The following COL9A3 variants were observed in gnomAD, a reference collection of about 807,000 sequenced individuals.
COL9A3 encodes collagen type IX alpha 3 chain, also known as collagen alpha-3(IX) chain.
Under a neutral mutation model 110.2 loss-of-function variants are expected in COL9A3, and 82 were observed. That is an observed-to-expected ratio of 0.74 (90% confidence interval 0.62 to 0.89). The LOEUF (loss-of-function observed/expected upper bound fraction) is 0.89, where lower values mean the gene tolerates loss of function less well. Ranked by LOEUF, COL9A3 falls within the 40% of genes least tolerant of loss-of-function variation. The pLI is 0.00. For synonymous variants in COL9A3, 494 were observed against 403.8 expected, an observed-to-expected ratio of 1.22 and a Z score of -2.68; for missense variants, 1,066 against 981.3, an observed-to-expected ratio of 1.09 and a Z score of -1.15.
chr20:62,822,230 C>T, intron 9 of COL9A3, 66 bp downstream of exon 9: 1 of 879,080 alleles, frequency 1.1e-6, no homozygotes, highest in Non-Finnish European at 2.0e-6. Context: ...TGGACCCTCC[C>T]CATTCCCCCT....
chr20:62,829,512 A>G lies in COL9A3; in HGVS notation c.1053+13A>G. On this transcript the variant is annotated intron_variant, in intron 20 of 31. Transcript: ENST00000649368. Reference sequence around the variant, plus strand: ...GAAGGGAGAACGGGTATGTGGCTGCAGCCGCTTTCTCTCTGGGAGGGGAGG... The same window carrying G: ...GAAGGGAGAACGGGTATGTGGCTGCGGCCGCTTTCTCTCTGGGAGGGGAGG... The G allele has an allele frequency of 6.2e-7, 1 of 1,610,142 alleles. No individual in the cohort carries two copies. Among genetic ancestry groups the G allele is most frequent in the Non-Finnish European group, 8.5e-7 (1 of 1,178,406 alleles).
chr20:62,821,249 G>A lies in COL9A3; in HGVS notation c.345+33G>A, dbSNP rs371827804. The A allele has an allele frequency of 6.2e-6, 10 of 1,605,170 alleles. No homozygotes were observed. The African/African-American group carries it at 1.3e-4, about 21-fold the overall frequency. On this transcript the variant is annotated intron_variant, in intron 6 of 31. Transcript: ENST00000649368. ...TGGAGTGTGGTCCTCTCCTCTCCAT[G>A]GGAGTTTGGGGAGCTGGAGAGTCTG...
At chr20:62,836,999 C>T (rs2063641523) in intron 29 of COL9A3, 84 bp from the exon 30 acceptor site, 4 of 1,521,084 alleles carry the variant, frequency 2.6e-6, no homozygotes, top group African/African-American at 1.4e-5. Context: ...GAAGACAGCA[C>T]CGTGTAGATA....
chr20:62,817,055 C>A lies in COL9A3; in HGVS notation c.-10C>A. ...CCGCCCCGACGCCGCAGCTCAGACT[C>A]CGCTCAGCCATGGCCGGGCCGCGCG... On this transcript the variant is annotated 5_prime_UTR_variant, in exon 1 of 32. Transcript: ENST00000649368. 1 of 1,344,476 alleles carries A rather than the reference C, an allele frequency of 7.4e-7. No individual in the cohort carries two copies. The highest frequency in any genetic ancestry group is 9.6e-7 in the Non-Finnish European group (1 of 1,040,990). 83.3% of individuals were successfully genotyped at this position (1,344,476 alleles called of 1,614,324 possible).
rs369434341 is a variant in COL9A3 at position 62,819,338 on chromosome 20, G to A, written c.255+45G>A. The A allele has an allele frequency of 5.5e-5, 86 of 1,569,488 alleles. 1 individual carries two copies. The highest frequency in any genetic ancestry group is 1.8e-4 in the South Asian group (16 of 87,708). On this transcript the variant is annotated intron_variant, in intron 4 of 31. Coordinates refer to ENST00000649368, the MANE Select transcript of COL9A3 (RefSeq NM_001853.4). ...CCCGCCATGCCCCACTCCCCGCTCC[G>A]GGTCCCTGGAGGAGTCCGGCCCTAA...
At chr20:62,825,695 G>A (rs2063546722) in intron 12 of COL9A3, 122 bp from the exon 13 acceptor site, 1 of 1,000,100 alleles carries the variant, frequency 1.0e-6, no homozygotes, top group Non-Finnish European at 1.5e-6. Context: ...GAGCCTCCAA[G>A]GCCCAGCTGT....
rs201613921 is a variant in COL9A3 at position 62,836,487 on chromosome 20, G to C, written c.1558G>C (p.Ala520Pro). Residue 520 changes from alanine to proline, a missense_variant, in exon 29 of 32, where the codon GCC becomes CCC. Coordinates refer to ENST00000649368, the MANE Select transcript of COL9A3 (RefSeq NM_001853.4). ...TGKPGVPGKE[A>P]SEQRIRELCG... is the part of the protein sequence containing the mutation. The stretch of plus-strand genomic sequence containing the variant: ...GTGGGGTGAATTCCAGGGGAAGGAG[G>C]CCAGCGAGCAGCGCATCAGGGAGCT... 6.2e-7 allele frequency: 1 copy of C among 1,613,650 alleles called. No homozygotes were observed. The highest frequency in any genetic ancestry group is 2.2e-5 in the East Asian group (1 of 44,866).
At chr20:62,817,468 C>A in intron 1 of COL9A3, 99 bp from the exon 2 acceptor site, 1 of 843,946 alleles carries the variant, frequency 1.2e-6, no homozygotes, top group Non-Finnish European at 1.9e-6. Context: ...GAGCGGCGGT[C>A]GTCGCAGGCC....
upstream of COL9A3, among the ~76,000 whole-genome samples, chr20:62,816,864 C>A (rs1042280349): frequency 3.3e-5 from 5 of 152,040 alleles, no homozygotes; most frequent in Admixed American, 1.3e-4. Flanking sequence ...GCCGCCCGCC[C>A]GGCGTCTTTT....
At position 62,821,792 on chromosome 20, in the gene COL9A3, C is replaced by G. The variant is rs568508604; in HGVS notation, c.405C>G (p.Ile135Met). The change falls in exon 8 of 32, where the codon ATC becomes ATG. Residue 135 changes from isoleucine (I) to methionine (M), a missense_variant. Ile to Met is a conservative substitution (Grantham distance 10). Transcript: ENST00000649368. The part of the protein sequence containing the change: ...EAGVSGPPGG[I>M]GLRGPPGPSG... ...GAGTGAGCGGCCCCCCAGGTGGGAT[C>G]GGCCTCCGCGGCCCCCCGGTGAGTG... 6.2e-7 allele frequency: 1 copy of G among 1,606,390 alleles called. No individual in the cohort carries two copies. Among genetic ancestry groups the G allele is most frequent in the Non-Finnish European group, 8.5e-7 (1 of 1,175,612 alleles).
Position 62,837,168 on chromosome 20 carries a change from GCCCCCAGGA to G in COL9A3, c.1698_1706del (p.Pro567_Gly569del), listed in dbSNP as rs569423970. 1.8e-4 allele frequency: 289 copies of G among 1,612,922 alleles called. No individual in the cohort carries two copies. The highest frequency in any genetic ancestry group is 6.6e-4 in the Middle Eastern group (4 of 6,058). On this transcript the variant is annotated inframe_deletion, in exon 30 of 32. Transcript: ENST00000649368. ...GGCCCGGTCCAGCTGGCCCCCCTGG[GCCCCCAGGA>G]CCCCCAGGCTCCATTGGTCACCCTG...
intron 12 of COL9A3, 24 bp downstream of exon 12, chr20:62,825,045 G>GGGA (rs2063539428): frequency 6.2e-7 from 1 of 1,600,392 alleles, no homozygotes; most frequent in African/African-American, 1.4e-5. Context: ...ACAGCAGCTG[G>GGGA]GGAGGAGCTG....
intron 22 of COL9A3, 27 bp downstream of exon 22, chr20:62,829,846 C>T (rs375350445): frequency 1.5e-4 from 225 of 1,546,454 alleles, no homozygotes; most frequent in Non-Finnish European, 1.8e-4. Flanking sequence ...GGCCCGGGGT[C>T]GGGGGTTAGC....
rs577454675 is a variant in COL9A3 at position 62,833,117 on chromosome 20, C to G, written c.1368+53C>G. 1.1e-4 allele frequency: 163 copies of G among 1,471,290 alleles called. No homozygotes were observed. In the African/African-American group the frequency reaches 1.6e-3, roughly 15 times the overall value. The allele number at this position is 1,471,290 out of a possible 1,614,324, so 91.1% of individuals were successfully genotyped here. A position where few individuals can be genotyped will look rare whatever the true frequency, so the allele number is the denominator to read the frequency against. On this transcript the variant is annotated intron_variant, in intron 26 of 31. Coordinates refer to ENST00000649368, the MANE Select transcript of COL9A3 (RefSeq NM_001853.4). ...CCAACAGCTGGGAGCGAGGTCGCCA[C>G]TGTGGCTGGGGAACAGTCCTGGGGA... is the stretch of plus-strand genomic sequence containing the variant.
Position 62,821,746 on chromosome 20 carries a change from C to T in COL9A3, c.370-11C>T, listed in dbSNP as rs775260615. 2.5e-6 allele frequency: 4 copies of T among 1,609,476 alleles called. No individual in the cohort carries two copies. The highest frequency in any genetic ancestry group is 2.7e-5 in the African/African-American group (2 of 74,858). On this transcript the variant is annotated splice_polypyrimidine_tract_variant and intron_variant, in intron 7 of 31. Coordinates refer to ENST00000649368, the MANE Select transcript of COL9A3 (RefSeq NM_001853.4). ...GTGCAGACCTCCCCACCTCTCTTTA[C>T]TTCCCTCCAGGGAGAGGCAGGAGTG... is the stretch of plus-strand genomic sequence containing the variant.
chr20:62,827,790 A>G, intron 16 of COL9A3, 133 bp from the exon 17 acceptor site: 1 of 886,742 alleles, frequency 1.1e-6, no homozygotes, highest in Non-Finnish European at 1.9e-6. Context: ...CACAGGCCCC[A>G]GGGTGGTGGT....
chr20:62,820,067 A>G, intron 5 of COL9A3, 85 bp downstream of exon 5: 1 of 1,487,306 alleles, frequency 6.7e-7, no homozygotes, highest in Admixed American at 1.7e-5. Flanking sequence ...CCACAAGGCC[A>G]AGGAGCTGGT....
chr20:62,826,292 G>T (rs1294687654), intron 14 of COL9A3, 35 bp downstream of exon 14: 2 of 1,537,342 alleles, frequency 1.3e-6, no homozygotes, highest in African/African-American at 1.4e-5. Context: ...GGCCGGCCAG[G>T]TGGCTGGGGG....
At position 62,839,984 on chromosome 20, in the gene COL9A3, G is replaced by A. The variant is rs371604283; in HGVS notation, c.1865-558G>A. ...TCCCAGGCCCCAGCCACGTCTCTCCGCCTGTGGCTCTGAACAGCATCTGTG... is the reference window on the plus strand; with the variant it reads ...TCCCAGGCCCCAGCCACGTCTCTCCACCTGTGGCTCTGAACAGCATCTGTG... On this transcript the variant is annotated intron_variant, in intron 31 of 31. Coordinates refer to ENST00000649368, the MANE Select transcript of COL9A3 (RefSeq NM_001853.4). Among the ~76,000 whole-genome samples, 44 of 152,220 alleles carry A rather than the reference G, an allele frequency of 2.9e-4. No individual in the cohort carries two copies. In the East Asian group the frequency reaches 6.9e-3, roughly 24 times the overall value.
Sources: gnomAD v4.1 joint callset for allele counts (sites outside exome capture counted in the v4.1 genomes callset) on GRCh38, gnomAD v4.1.1 for gene constraint, MANE v1.5 for transcripts, NCBI Gene and HGNC (gene_info 2026-07-23, HGNC 2026-07-21) for gene names.